Variants in SCHIP1 observed in about 807,000 individuals in gnomAD.
SCHIP1 encodes the protein schwannomin-interacting protein 1.
In SCHIP1, 8 loss-of-function variants were observed where a neutral mutation model predicts 29.7. The observed-to-expected ratio is 0.27, with a 90% CI of 0.16 to 0.49. The LOEUF is 0.49. SCHIP1 is among the 20% of genes least tolerant of loss of function. SCHIP1 has a pLI of 0.99. For missense variants in SCHIP1, 193 were observed against 294.6 expected (o/e 0.66, Z 2.52); for synonymous variants, 76 against 94.9 (o/e 0.80, Z 1.16).
the SCHIP1 span, among the ~76,000 whole-genome samples, chr3:159,696,598 C>T: frequency 2.0e-5 from 3 of 152,204 alleles, no homozygotes; most frequent in African/African-American, 4.8e-5. Flanking sequence ...ATGTGTCCTA[C>T]AATAGTGGGC....
At chr3:159,418,832 C>T in the SCHIP1 span, among the ~76,000 whole-genome samples, 30 of 152,236 alleles carry the variant, frequency 2.0e-4, no homozygotes, top group African/African-American at 6.3e-4. Context: ...CACCAAACTA[C>T]CTCTCCTTTC....
At chr3:159,566,776 G>A in the SCHIP1 span, among the ~76,000 whole-genome samples, 2 of 152,150 alleles carry the variant, frequency 1.3e-5, no homozygotes, top group Non-Finnish European at 2.9e-5. Context: ...CGGCATCAGG[G>A]AGGTAACCAG....
chr3:159,351,237 A>G, the SCHIP1 span, among the ~76,000 whole-genome samples: 1 of 152,154 alleles, frequency 6.6e-6, no homozygotes, highest in African/African-American at 2.4e-5. Context: ...TTCCCAGGCA[A>G]TATTGCAGTG....
chr3:159,442,365 T>C, the SCHIP1 span, among the ~76,000 whole-genome samples: 4 of 152,078 alleles, frequency 2.6e-5, no homozygotes, highest in African/African-American at 4.8e-5. Context: ...CTGGTCAGGA[T>C]AGGAGCGCTC....
At chr3:159,617,212 A>G in the SCHIP1 span, among the ~76,000 whole-genome samples, 1 of 152,220 alleles carries the variant, frequency 6.6e-6, no homozygotes, top group Non-Finnish European at 1.5e-5. Context: ...CTGTTGAGGT[A>G]GAGAGAAAGA....
At chr3:159,765,377 G>A in the SCHIP1 span, 8 of 479,408 alleles carry the variant, frequency 1.7e-5, no homozygotes, top group South Asian at 7.8e-5. Context: ...GAGGGCAGCG[G>A]AAAGTCGGGT....
chr3:159,395,839 C>T, the SCHIP1 span, among the ~76,000 whole-genome samples: 1 of 151,896 alleles, frequency 6.6e-6, no homozygotes, highest in African/African-American at 2.4e-5. Context: ...ATTAGGTCCG[C>T]TTGGTACAGA....
the SCHIP1 span, among the ~76,000 whole-genome samples, chr3:159,323,245 T>C: frequency 6.6e-6 from 1 of 152,224 alleles, no homozygotes; most frequent in African/African-American, 2.4e-5. Flanking sequence ...TATATTTAAA[T>C]AGGTAATTAT....
chr3:159,896,326 C>A (rs1287648038), intron 6 of SCHIP1, among the ~76,000 whole-genome samples: 2 of 152,190 alleles, frequency 1.3e-5, no homozygotes, highest in African/African-American at 2.4e-5. Context: ...TTATTCCTTT[C>A]TTGTCTCATA....
chr3:159,667,448 G>A, the SCHIP1 span, among the ~76,000 whole-genome samples: 8 of 152,244 alleles, frequency 5.3e-5, no homozygotes, highest in Non-Finnish European at 1.0e-4. Flanking sequence ...CGTGTTGTGG[G>A]TTCTTGAGTC....
the SCHIP1 span, among the ~76,000 whole-genome samples, chr3:159,528,059 A>G: frequency 1.3e-5 from 2 of 152,336 alleles, no homozygotes; most frequent in South Asian, 4.1e-4. Context: ...TGATGTGCTA[A>G]TTACCTCCAG....
the SCHIP1 span, among the ~76,000 whole-genome samples, chr3:159,705,489 G>A: frequency 4.6e-5 from 7 of 151,846 alleles, no homozygotes; most frequent in Non-Finnish European, 2.9e-5. Flanking sequence ...TAGATGAAGG[G>A]CCAGGACCTC....
chr3:159,860,692 A>G (rs1181678662), intron 1 of SCHIP1, among the ~76,000 whole-genome samples: 2 of 152,252 alleles, frequency 1.3e-5, no homozygotes, highest in Non-Finnish European at 2.9e-5. Context: ...GAACAGAAAG[A>G]CAGGAAACTG....
chr3:159,301,258 T>A, the SCHIP1 span, among the ~76,000 whole-genome samples: 9 of 152,318 alleles, frequency 5.9e-5, no homozygotes, highest in African/African-American at 1.9e-4. Context: ...GTCACACCAC[T>A]ACTAAGTGGC....
chr3:159,548,790 AAT>A, the SCHIP1 span, among the ~76,000 whole-genome samples: 1 of 151,966 alleles, frequency 6.6e-6, no homozygotes, highest in Non-Finnish European at 1.5e-5. Flanking sequence ...AGTCATTATG[AAT>A]ATGTTTCCTT....
At chr3:159,464,485 A>G in the SCHIP1 span, among the ~76,000 whole-genome samples, 1 of 152,186 alleles carries the variant, frequency 6.6e-6, no homozygotes, top group Non-Finnish European at 1.5e-5. Context: ...AGATTTTGAA[A>G]AATGTATACA....
chr3:159,674,629 G>A, the SCHIP1 span, among the ~76,000 whole-genome samples: 14 of 143,856 alleles, frequency 9.7e-5, no homozygotes, highest in Non-Finnish European at 1.1e-4. Flanking sequence ...AAAAAGCTGG[G>A]AAAAGCTAGC....
the SCHIP1 span, among the ~76,000 whole-genome samples, chr3:159,475,136 T>A: frequency 1.3e-5 from 2 of 152,134 alleles, no homozygotes; most frequent in East Asian, 3.9e-4. Context: ...ACATGAATGT[T>A]CACAGCAGCA....
the SCHIP1 span, among the ~76,000 whole-genome samples, chr3:159,342,302 A>G: frequency 6.6e-6 from 1 of 152,216 alleles, no homozygotes; most frequent in Admixed American, 6.5e-5. Flanking sequence ...TTAAAGATGT[A>G]TAATTTTAAA....
Sources: gnomAD v4.1 joint callset for allele counts (sites outside exome capture counted in the v4.1 genomes callset) on GRCh38, gnomAD v4.1.1 for gene constraint, MANE v1.5 for transcripts, NCBI Gene and HGNC (gene_info 2026-07-23, HGNC 2026-07-21) for gene names.